Variants in LIPH observed in about 807,000 individuals in gnomAD.
LIPH encodes lipase H.
LIPH carries 32 observed loss-of-function variants against 47.6 expected under a neutral mutation model. That is an observed-to-expected ratio of 0.67 (90% CI 0.51 to 0.90). LIPH has a LOEUF of 0.90. LIPH is among the 40% of genes least tolerant of loss of function. The pLI is 0.00. For missense variants in LIPH, 497 were observed against 541.4 expected (o/e 0.92, Z 0.81); for synonymous variants, 190 against 195.6 (o/e 0.97, Z 0.24).
intron 3 of LIPH, among the ~76,000 whole-genome samples, chr3:185,529,225 GA>G (rs1227496595): frequency 1.1e-4 from 15 of 139,204 alleles, no homozygotes; most frequent in African/African-American, 2.9e-4. Context: ...AAGAAAAAAG[GA>G]AAAAAAAAAT....
chr3:185,516,588 T>C (rs958901005), intron 7 of LIPH, among the ~76,000 whole-genome samples: 23 of 152,284 alleles, frequency 1.5e-4, no homozygotes, highest in African/African-American at 4.8e-4. Flanking sequence ...TCTGGAATAC[T>C]CAACCTCTCG....
intron 1 of LIPH, among the ~76,000 whole-genome samples, chr3:185,542,198 G>A (rs1367458504): frequency 6.6e-6 from 1 of 152,178 alleles, no homozygotes; most frequent in Admixed American, 6.5e-5. Context: ...TGAGGTCAGA[G>A]AGAGCAACAC....
At chr3:185,547,838 A>AAAG (rs1236607782) in intron 1 of LIPH, among the ~76,000 whole-genome samples, 2 of 151,984 alleles carry the variant, frequency 1.3e-5, no homozygotes, top group South Asian at 4.2e-4. Flanking sequence ...AAAAAAAAAA[A>AAAG]AAGAAGAAGA....
At chr3:185,533,476 G>T (rs1415415068) in intron 3 of LIPH, 95 bp downstream of exon 3, 5 of 825,306 alleles carry the variant, frequency 6.1e-6, no homozygotes, top group Non-Finnish European at 1.1e-5. Context: ...ATTGGAGCTG[G>T]CTTTGAACCC....
chr3:185,511,330 G>T lies in LIPH; in HGVS notation c.1268+194C>A, dbSNP rs13342949. ...TCCTCCCAGCTTGGCCTCCCAAAGT[G>T]CTGAGATTATAGGCTTGAGCCACTA... On this transcript the variant is annotated intron_variant, in intron 9 of 9. Transcript: ENST00000296252. 2.8e-3 allele frequency among the ~76,000 whole-genome samples: 431 copies of T among 152,060 alleles called. 4 individuals are homozygous for T. Among genetic ancestry groups the T allele is most frequent in the African/African-American group, 0.01 (417 of 41,474 alleles).
chr3:185,523,327 C>A (rs942698149), intron 5 of LIPH, among the ~76,000 whole-genome samples: 1 of 152,158 alleles, frequency 6.6e-6, no homozygotes, highest in African/African-American at 2.4e-5. Flanking sequence ...TATATTTATA[C>A]TACCTGTATC....
intron 9 of LIPH, among the ~76,000 whole-genome samples, chr3:185,509,871 G>A (rs967241210): frequency 3.3e-5 from 5 of 151,304 alleles, no homozygotes; most frequent in African/African-American, 7.3e-5. Context: ...GTTTTAGGAT[G>A]TAATGACTAT....
At chr3:185,521,264 A>G (rs1323108482) in intron 5 of LIPH, among the ~76,000 whole-genome samples, 9 of 152,220 alleles carry the variant, frequency 5.9e-5, no homozygotes, top group Admixed American at 2.6e-4. Flanking sequence ...TTTAACTATT[A>G]TGCTGTTCTG....
At chr3:185,518,341 G>A (rs566983986) in intron 6 of LIPH, among the ~76,000 whole-genome samples, 26 of 151,424 alleles carry the variant, frequency 1.7e-4, no homozygotes, top group Admixed American at 1.2e-3. Flanking sequence ...GTGCAATGGC[G>A]CGGTCTCAGC....
rs575830867 is a variant in LIPH at position 185,509,039 on chromosome 3, C to G, written c.1269-162G>C. On this transcript the variant is annotated intron_variant, in intron 9 of 9. Transcript: ENST00000296252. ...ACGGTGACTCATGCCTGTAATCCCA[C>G]CCAGCATTTTAAGAGGCCGAGGCGG... Among the ~76,000 whole-genome samples, 18 of 151,094 alleles carry G rather than the reference C, an allele frequency of 1.2e-4. No individual in the cohort carries two copies. In the South Asian group the frequency reaches 3.6e-3, roughly 30 times the overall value.
intron 1 of LIPH, among the ~76,000 whole-genome samples, chr3:185,549,936 T>C (rs528067319): frequency 6.6e-6 from 1 of 152,342 alleles, no homozygotes; most frequent in South Asian, 2.1e-4. Context: ...AGGTGGAGTC[T>C]GCATTTTAAT....
chr3:185,534,140 G>C (rs545195409), intron 2 of LIPH, among the ~76,000 whole-genome samples: 148 of 152,176 alleles, frequency 9.7e-4, no homozygotes, highest in African/African-American at 3.3e-3. Flanking sequence ...GGTGGATCAC[G>C]AGGTCAGGAG....
At position 185,526,691 on chromosome 3, in the gene LIPH, A is replaced by ATAATATAAT. The variant is rs1560163035; in HGVS notation, c.628+792_628+793insATTATATTA. ...TATAATATAATATAATATAATATAA[A>ATAATATAAT]ATAAATAAAATAAAATAAATAAAAT... On this transcript the variant is annotated intron_variant, in intron 4 of 9. Coordinates refer to ENST00000296252, the MANE Select transcript of LIPH (RefSeq NM_139248.3). Among the ~76,000 whole-genome samples the ATAATATAAT allele has an allele frequency of 5.6e-3, 184 of 32,656 alleles. 1 individual carries two copies. The highest frequency in any genetic ancestry group is 0.015 in the African/African-American group (177 of 11,858). The allele number at this position is 32,656 out of a possible 152,430, so 21.4% of individuals were successfully genotyped here.
chr3:185,519,864 A>T (rs1719848882), intron 5 of LIPH, among the ~76,000 whole-genome samples: 1 of 137,406 alleles, frequency 7.3e-6, no homozygotes, highest in East Asian at 2.3e-4. Context: ...AAAAAAAAAA[A>T]AAAAGACCTT....
intron 3 of LIPH, among the ~76,000 whole-genome samples, chr3:185,529,910 G>T (rs867030766): frequency 3.4e-5 from 1 of 29,628 alleles, no homozygotes; most frequent in African/African-American, 9.2e-5. Flanking sequence ...AGAAAGAAAA[G>T]AAAGAAAGAA....
intron 5 of LIPH, among the ~76,000 whole-genome samples, chr3:185,519,836 C>CAAAAAAAAAAAAAAAAA (rs145391972): frequency 1.9e-5 from 1 of 53,830 alleles, no homozygotes; most frequent in Non-Finnish European, 3.0e-5. Context: ...CACTCCATCT[C>CAAAAAAAAAAAAAAAAA]AAAAAAAAAA....
At chr3:185,541,787 C>T (rs917318132) in intron 1 of LIPH, among the ~76,000 whole-genome samples, 3 of 150,416 alleles carry the variant, frequency 2.0e-5, no homozygotes, top group African/African-American at 7.4e-5. Context: ...GACAGAGTCT[C>T]ACTCTGTCAA....
Position 185,508,514 on chromosome 3 carries a change from C to T in LIPH, c.*276G>A, listed in dbSNP as rs1000183663. 2 of 437,228 alleles carry T rather than the reference C, an allele frequency of 4.6e-6. No homozygotes were observed. The highest frequency in any genetic ancestry group is 4.3e-5 in the East Asian group (1 of 23,008). 27.1% of individuals were successfully genotyped at this position (437,228 alleles called of 1,614,324 possible). On this transcript the variant is annotated 3_prime_UTR_variant, in exon 10 of 10. Transcript: ENST00000296252. ...GTGACAGGCAGCAGAATTGACAGGT[C>T]GGAACAAGGGAGGCCCCAGGACACA...
At chr3:185,511,229 T>C (rs924128633) in intron 9 of LIPH, among the ~76,000 whole-genome samples, 1 of 148,360 alleles carries the variant, frequency 6.7e-6, no homozygotes, top group Admixed American at 6.8e-5. Flanking sequence ...TTTTGGGTTG[T>C]TTTTTTTTTC....
Sources: gnomAD v4.1 joint callset for allele counts (sites outside exome capture counted in the v4.1 genomes callset) on GRCh38, gnomAD v4.1.1 for gene constraint, MANE v1.5 for transcripts, NCBI Gene and HGNC (gene_info 2026-07-23, HGNC 2026-07-21) for gene names.